Variants in PRDM16 observed in about 807,000 individuals in gnomAD.
PRDM16 encodes the protein PR/SET domain 16, also known as histone-lysine N-methyltransferase PRDM16.
A neutral mutation model predicts 110.6 loss-of-function variants in PRDM16; 23 were observed. That is an observed-to-expected ratio of 0.21 (90% CI 0.15 to 0.29). PRDM16 has a LOEUF of 0.29. PRDM16 is among the 10% of genes least tolerant of loss of function. The pLI is 1.00. For synonymous variants in PRDM16, 799 were observed against 781.8 expected, an observed-to-expected ratio of 1.02 and a Z score of -0.37; for missense variants, 1,615 against 1,794.3, an observed-to-expected ratio of 0.90 and a Z score of 1.81.
At chr1:3,095,989 C>T (rs904481531) in intron 1 of PRDM16, among the ~76,000 whole-genome samples, 6 of 152,084 alleles carry the variant, frequency 3.9e-5, no homozygotes, top group Non-Finnish European at 7.4e-5. Flanking sequence ...CTCCTCCAAA[C>T]GGCTCAGTGG....
At position 3,241,274 on chromosome 1, in the gene PRDM16, G is replaced by A. The variant is rs878901534; in HGVS notation, c.388-2813G>A. 5.3e-5 allele frequency among the ~76,000 whole-genome samples: 8 copies of A among 152,254 alleles called. No individual in the cohort carries two copies. The South Asian group carries it at 6.2e-4, about 12-fold the overall frequency. The stretch of plus-strand genomic sequence containing the variant: ...CCATCGGGCGCCGGTTTCCTCTTCC[G>A]GGGATGCAGGGCAGCTGGGGGGGCT... On this transcript the variant is annotated intron_variant, in intron 2 of 16. Transcript: ENST00000270722.
intron 1 of PRDM16, among the ~76,000 whole-genome samples, chr1:3,181,143 TAC>T (rs1247131124): frequency 4.4e-5 from 6 of 134,898 alleles, no homozygotes; most frequent in South Asian, 2.7e-4. Context: ...CACGCGGTCT[TAC>T]ACACGCAGTC....
intron 1 of PRDM16, among the ~76,000 whole-genome samples, chr1:3,147,027 T>G (rs1643682831): frequency 7.5e-6 from 1 of 133,672 alleles, no homozygotes. Context: ...CGCACGTGTG[T>G]GCTCGGTGTG....
intron 1 of PRDM16, among the ~76,000 whole-genome samples, chr1:3,097,609 C>T (rs1223997243): frequency 1.3e-5 from 2 of 152,224 alleles, no homozygotes; most frequent in Admixed American, 6.5e-5. Flanking sequence ...CCCTCCTGGC[C>T]CTGCCCTCTC....
At chr1:3,262,189 T>G (rs1030447889) in intron 3 of PRDM16, among the ~76,000 whole-genome samples, 4 of 152,220 alleles carry the variant, frequency 2.6e-5, no homozygotes, top group African/African-American at 4.8e-5. Context: ...TGAACCCAGG[T>G]GCTCTGGCTC....
chr1:3,222,925 T>A (rs965392201), intron 2 of PRDM16, among the ~76,000 whole-genome samples: 2 of 151,678 alleles, frequency 1.3e-5, no homozygotes, highest in African/African-American at 4.8e-5. Flanking sequence ...GTTTGGTGGG[T>A]GGGTTGGGGA....
chr1:3,155,115 G>A (rs776044004), intron 1 of PRDM16, among the ~76,000 whole-genome samples: 31 of 152,158 alleles, frequency 2.0e-4, no homozygotes, highest in Non-Finnish European at 3.2e-4. Flanking sequence ...CCTCTCAGGG[G>A]CTCTGGAGTC....
At chr1:3,114,155 A>ACACACACACG (rs776244700) in intron 1 of PRDM16, among the ~76,000 whole-genome samples, 41 of 139,596 alleles carry the variant, frequency 2.9e-4, no homozygotes, top group East Asian at 6.7e-4. Flanking sequence ...GCACACACGC[A>ACACACACACG]CACACACACG....
intron 1 of PRDM16, among the ~76,000 whole-genome samples, chr1:3,163,871 G>A (rs1478599338): frequency 2.6e-5 from 4 of 152,330 alleles, no homozygotes; most frequent in South Asian, 2.1e-4. Flanking sequence ...CATCGCATCC[G>A]TGATGACCCT....
rs954510022 is a variant in PRDM16 at position 3,090,954 on chromosome 1, C to T, written c.37+21658C>T. Among the ~76,000 whole-genome samples, 11 of 152,298 alleles carry T rather than the reference C, an allele frequency of 7.2e-5. No homozygotes were observed. In the East Asian group the frequency reaches 7.7e-4, roughly 11 times the overall value. On this transcript the variant is annotated intron_variant, in intron 1 of 16. Coordinates refer to ENST00000270722, the MANE Select transcript of PRDM16 (RefSeq NM_022114.4). ...TGTGTGATCTATGGGGAGCCACGAA[C>T]GAGAAGCAGACAGCCCCCAGGGCTC...
In PRDM16 at chr1:3,370,050, C is replaced by T. The variant is rs1236815755; in HGVS notation, c.439-15102C>T. On this transcript the variant is annotated intron_variant, in intron 3 of 16. Coordinates refer to ENST00000270722, the MANE Select transcript of PRDM16 (RefSeq NM_022114.4). This position sits in a 1 kb window ranked among gnomAD's most constrained non-coding sequence, Gnocchi z 4.8. Reference sequence around the variant, plus strand: ...GGGCTCGGAGAGACTGAGTCAGCTGCAGGGAAGGCACTAAATATAACTGGG... The same window carrying T: ...GGGCTCGGAGAGACTGAGTCAGCTGTAGGGAAGGCACTAAATATAACTGGG... Among the ~76,000 whole-genome samples the T allele has an allele frequency of 6.6e-6, 1 of 152,144 alleles. No homozygotes were observed. The highest frequency in any genetic ancestry group is 1.5e-5 in the Non-Finnish European group (1 of 68,036).
At chr1:3,113,904 A>G (rs190138064) in intron 1 of PRDM16, among the ~76,000 whole-genome samples, 4 of 151,908 alleles carry the variant, frequency 2.6e-5, no homozygotes, top group Non-Finnish European at 4.4e-5. Flanking sequence ...CCTTGAGAAT[A>G]TTTTCTGTTT....
intron 3 of PRDM16, among the ~76,000 whole-genome samples, chr1:3,323,697 G>A (rs1391265041): frequency 6.6e-6 from 1 of 152,260 alleles, no homozygotes; most frequent in African/African-American, 2.4e-5. Flanking sequence ...GCACTTCCCC[G>A]CAGGCCTGGC....
At chr1:3,409,825 TTGTGTGTGGG>T (rs1251726498) in intron 8 of PRDM16, among the ~76,000 whole-genome samples, 2 of 50,682 alleles carry the variant, frequency 3.9e-5, no homozygotes, top group Admixed American at 3.7e-4. Flanking sequence ...ATGTGTGTGG[TTGTGTGTGGG>T]TGTGTGGTGT....
At chr1:3,247,190 G>A (rs567840789) in intron 3 of PRDM16, among the ~76,000 whole-genome samples, 73 of 152,258 alleles carry the variant, frequency 4.8e-4, no homozygotes, top group African/African-American at 1.8e-3. Flanking sequence ...CCTGTGTCTG[G>A]CTTCAGTTCA....
At chr1:3,404,696 G>T in intron 6 of PRDM16, 43 bp from the exon 7 acceptor site, 1 of 1,608,998 alleles carries the variant, frequency 6.2e-7, no homozygotes, top group East Asian at 2.2e-5. Flanking sequence ...CCGGGCAGAG[G>T]GCAGGTAGTC....
chr1:3,421,265 C>T (rs1189387308), intron 12 of PRDM16, among the ~76,000 whole-genome samples: 6 of 152,240 alleles, frequency 3.9e-5, no homozygotes, highest in Admixed American at 3.9e-4. Context: ...GCTCGGGGGC[C>T]CTGGCCACCC....
intron 1 of PRDM16, among the ~76,000 whole-genome samples, chr1:3,145,424 C>T (rs1643628300): frequency 6.6e-6 from 1 of 152,186 alleles, no homozygotes; most frequent in South Asian, 2.1e-4. Flanking sequence ...TGGGTGTTCC[C>T]CAGCCCTGCC....
chr1:3,227,552 C>T (rs1301105218), intron 2 of PRDM16, among the ~76,000 whole-genome samples: 2 of 152,252 alleles, frequency 1.3e-5, no homozygotes, highest in Non-Finnish European at 2.9e-5. Context: ...GCAGCTGCGG[C>T]GGGGCTCTGC....
Sources: allele counts gnomAD v4.1 joint callset (sites outside exome capture counted in the v4.1 genomes callset), GRCh38; gene constraint gnomAD v4.1.1; non-coding constraint Gnocchi (gnomAD v3.1); transcripts MANE v1.5; gene names NCBI Gene and HGNC (gene_info 2026-07-23, HGNC 2026-07-21).